Variants in KCNQ5 observed in about 807,000 individuals in gnomAD.
The protein encoded by KCNQ5 is potassium voltage-gated channel subfamily KQT member 5.
In KCNQ5, 30 loss-of-function variants were observed where a neutral mutation model predicts 98.2. The observed-to-expected ratio is 0.31, with a 90% CI of 0.23 to 0.41. KCNQ5 has a LOEUF of 0.41. Ranked by LOEUF, KCNQ5 falls within the 10% of genes least tolerant of loss-of-function variation. The probability of loss-of-function intolerance (pLI) is 1.00; values close to 1 mark genes in which losing one functional copy is unlikely to be tolerated. For missense variants in KCNQ5, 835 were observed against 1,182.5 expected (o/e 0.71, Z 4.31); for synonymous variants, 458 against 449.4 (o/e 1.02, Z -0.24).
intron 5 of KCNQ5, among the ~76,000 whole-genome samples, chr6:73,101,665 T>C (rs1315552584): frequency 2.0e-5 from 3 of 150,864 alleles, no homozygotes; most frequent in Non-Finnish European, 4.5e-5. Flanking sequence ...TAGCTACAAA[T>C]AAAATTAAAT....
intron 1 of KCNQ5, among the ~76,000 whole-genome samples, chr6:72,884,752 G>A (rs1778786461): frequency 6.6e-6 from 1 of 151,954 alleles, no homozygotes. Flanking sequence ...GAGTAGCTGG[G>A]ACCACAGATG....
At position 73,194,856 on chromosome 6, in the gene KCNQ5, T is replaced by G; in HGVS notation, c.2241T>G (p.Thr747=). Reference sequence around the variant, plus strand: ...CACCCAAGCCAGCAGCCCCAACAACTTTACAGATCCCACCTCCTCTCCCAG... The same window carrying G: ...CACCCAAGCCAGCAGCCCCAACAACGTTACAGATCCCACCTCCTCTCCCAG... ...NTAPKPAAPT[T]LQIPPPLPAI... is the part of the protein sequence containing the mutation. The change falls in exon 14 of 14, where the codon ACT becomes ACG. Residue 747 remains threonine, a synonymous_variant. Coordinates refer to ENST00000370398, the MANE Select transcript of KCNQ5 (RefSeq NM_019842.4). 3.1e-6 allele frequency: 5 copies of G among 1,613,934 alleles called. No homozygotes were observed. The highest frequency in any genetic ancestry group is 4.2e-6 in the Non-Finnish European group (5 of 1,179,974).
chr6:73,191,634 A>G (rs910024648), intron 12 of KCNQ5, among the ~76,000 whole-genome samples: 1 of 152,072 alleles, frequency 6.6e-6, no homozygotes, highest in African/African-American at 2.4e-5. Context: ...CCCTTAGTAA[A>G]ATACCTGTTC....
intron 1 of KCNQ5, among the ~76,000 whole-genome samples, chr6:72,841,585 A>G (rs1047232148): frequency 6.6e-6 from 1 of 152,202 alleles, no homozygotes; most frequent in Non-Finnish European, 1.5e-5. Context: ...CGAACTGTTA[A>G]AGAGTATAGT....
At chr6:72,785,429 G>A (rs550941076) in intron 1 of KCNQ5, among the ~76,000 whole-genome samples, 10 of 151,940 alleles carry the variant, frequency 6.6e-5, no homozygotes, top group African/African-American at 2.4e-4. Context: ...CGGGTGGATC[G>A]CCTGAGGTCA....
At chr6:72,641,473 G>GC (rs2098927141) in intron 1 of KCNQ5, among the ~76,000 whole-genome samples, 1 of 152,054 alleles carries the variant, frequency 6.6e-6, no homozygotes, top group Non-Finnish European at 1.5e-5. Context: ...CTGTTTATAT[G>GC]CCCCAAAGAG....
At chr6:72,971,499 T>G (rs1767895621) in intron 1 of KCNQ5, among the ~76,000 whole-genome samples, 1 of 152,230 alleles carries the variant, frequency 6.6e-6, no homozygotes, top group South Asian at 2.1e-4. Context: ...TTACTGGGTA[T>G]ATACCCAAAG....
At chr6:72,784,960 A>T (rs1327263106) in intron 1 of KCNQ5, among the ~76,000 whole-genome samples, 1 of 152,184 alleles carries the variant, frequency 6.6e-6, no homozygotes, top group South Asian at 2.1e-4. Context: ...AAAATAATAC[A>T]TCTAAGCACC....
chr6:72,879,970 ATT>A (rs1240342214), intron 1 of KCNQ5, among the ~76,000 whole-genome samples: 1 of 152,246 alleles, frequency 6.6e-6, no homozygotes, highest in East Asian at 1.9e-4. Flanking sequence ...ATTACTACTT[ATT>A]TATAACATCT....
At position 73,197,635 on chromosome 6, in the gene KCNQ5, ACACACAC is replaced by A. The variant is rs1765844617; in HGVS notation, c.*2223_*2229del. 1.1e-5 allele frequency: 1 copy of A among 88,588 alleles called. No individual in the cohort carries two copies. The highest frequency in any genetic ancestry group is 2.6e-5 in the Non-Finnish European group (1 of 38,764). The allele number at this position is 88,588 out of a possible 1,614,324, so 5.5% of individuals were successfully genotyped here. ...CACACACACACACACACACACACAC[ACACACAC>A]CCCTCCACTGACCTAAAGCCAGACA... On this transcript the variant is annotated 3_prime_UTR_variant, in exon 14 of 14. Transcript: ENST00000370398.
chr6:72,641,696 A>C (rs985641793), intron 1 of KCNQ5, among the ~76,000 whole-genome samples: 2 of 152,254 alleles, frequency 1.3e-5, no homozygotes, highest in East Asian at 3.9e-4. Context: ...AATTGTTAAT[A>C]TTATCATTAG....
intron 1 of KCNQ5, among the ~76,000 whole-genome samples, chr6:72,944,132 C>A (rs576557091): frequency 6.6e-6 from 1 of 152,262 alleles, no homozygotes; most frequent in Admixed American, 6.5e-5. Context: ...TATAGATAAA[C>A]CACTTAGATC....
chr6:72,808,184 AT>A (rs747470098), intron 1 of KCNQ5, among the ~76,000 whole-genome samples: 25 of 152,278 alleles, frequency 1.6e-4, no homozygotes, highest in Middle Eastern at 3.4e-3. Flanking sequence ...AAGCGGACTG[AT>A]TTGAGTGATA....
intron 1 of KCNQ5, among the ~76,000 whole-genome samples, chr6:72,872,039 G>A (rs1778232686): frequency 6.6e-6 from 1 of 152,158 alleles, no homozygotes; most frequent in Non-Finnish European, 1.5e-5. Context: ...TAGGTGTCCA[G>A]GAAATTATGC....
intron 1 of KCNQ5, among the ~76,000 whole-genome samples, chr6:72,789,161 G>A (rs914752929): frequency 7.9e-5 from 12 of 152,066 alleles, no homozygotes; most frequent in African/African-American, 2.9e-4. Flanking sequence ...GTATGTGTGT[G>A]TGTGTGTGTG....
At chr6:73,154,146 A>T (rs774816341) in intron 10 of KCNQ5, among the ~76,000 whole-genome samples, 12 of 152,120 alleles carry the variant, frequency 7.9e-5, no homozygotes, top group Non-Finnish European at 1.6e-4. Flanking sequence ...GCCTAAAAAA[A>T]ATGTAGTGAG....
chr6:72,747,593 A>AT (rs1472549607), intron 1 of KCNQ5, among the ~76,000 whole-genome samples: 10 of 152,214 alleles, frequency 6.6e-5, no homozygotes, highest in Admixed American at 3.3e-4. Flanking sequence ...ATCATCTGAT[A>AT]TTTTTTATAA....
intron 1 of KCNQ5, among the ~76,000 whole-genome samples, chr6:73,000,812 A>G (rs777287474): frequency 6.6e-6 from 1 of 151,990 alleles, no homozygotes; most frequent in Non-Finnish European, 1.5e-5. Context: ...TGCCAACTTA[A>G]TTTTCCCAGA....
rs374705733 is a variant in KCNQ5 at position 73,163,609 on chromosome 6, A to G, written c.1469-6137A>G. ...TAAAAATACAAAAAATTAGCTGGGC[A>G]TGGTGGCAGGCACCCGTAATCCCAG... On this transcript the variant is annotated intron_variant, in intron 10 of 13. Transcript: ENST00000370398. 5.9e-5 allele frequency among the ~76,000 whole-genome samples: 9 copies of G among 152,290 alleles called. No homozygotes were observed. The East Asian group carries it at 1.2e-3, about 20-fold the overall frequency.
Sources: gnomAD v4.1 joint callset for allele counts (sites outside exome capture counted in the v4.1 genomes callset) on GRCh38, gnomAD v4.1.1 for gene constraint, MANE v1.5 for transcripts, NCBI Gene and HGNC (gene_info 2026-07-23, HGNC 2026-07-21) for gene names.